The following BLTP1 variants were observed in gnomAD, a reference collection of about 807,000 sequenced individuals.
BLTP1 encodes the protein fragile site-associated protein.
chr4:122,172,559 G>A, the BLTP1 span, among the ~76,000 whole-genome samples: 23 of 152,110 alleles, frequency 1.5e-4, no homozygotes, highest in African/African-American at 3.4e-4. Flanking sequence ...ACTAAATTCC[G>A]ACTTCTTTTA....
the BLTP1 span, among the ~76,000 whole-genome samples, chr4:122,213,976 A>G: frequency 3.3e-5 from 5 of 152,296 alleles, no homozygotes; most frequent in South Asian, 2.1e-4. Context: ...GTGGTAGCAA[A>G]TAACTGCATG....
chr4:122,291,136 T>C, the BLTP1 span, among the ~76,000 whole-genome samples: 1 of 152,178 alleles, frequency 6.6e-6, no homozygotes, highest in African/African-American at 2.4e-5. Flanking sequence ...TTAATATTTC[T>C]AACCATGAAG....
chr4:122,210,493 T>C, the BLTP1 span, among the ~76,000 whole-genome samples: 1 of 152,162 alleles, frequency 6.6e-6, no homozygotes, highest in South Asian at 2.1e-4. Flanking sequence ...AGTTGTTTCA[T>C]AGTGGCTTGA....
At chr4:122,281,180 CAGT>C in the BLTP1 span, 92 of 365,624 alleles carry the variant, frequency 2.5e-4, no homozygotes, top group Non-Finnish European at 3.1e-4. Context: ...TCATTCTTAA[CAGT>C]AGTAGTAGTA....
At chr4:122,292,361 TAG>T in the BLTP1 span, 3 of 868,976 alleles carry the variant, frequency 3.5e-6, no homozygotes, top group African/African-American at 5.4e-5. Flanking sequence ...TAAGAAAAAT[TAG>T]ACAGATGTGA....
At chr4:122,357,741 A>C in the BLTP1 span, among the ~76,000 whole-genome samples, 2 of 152,212 alleles carry the variant, frequency 1.3e-5, no homozygotes, top group African/African-American at 4.8e-5. Context: ...ATGAATATAC[A>C]ATGGTAAAAT....
the BLTP1 span, among the ~76,000 whole-genome samples, chr4:122,177,505 CA>C: frequency 1.3e-5 from 2 of 152,190 alleles, no homozygotes; most frequent in African/African-American, 4.8e-5. Context: ...TCACTCAGAA[CA>C]ACACCAAGGT....
the BLTP1 span, chr4:122,239,968 G>A: frequency 6.2e-7 from 1 of 1,614,166 alleles, no homozygotes; most frequent in South Asian, 1.1e-5. Flanking sequence ...ATTGACTACA[G>A]TAGGGGTTCC....
the BLTP1 span, chr4:122,212,140 T>G: frequency 4.8e-6 from 4 of 825,778 alleles, no homozygotes; most frequent in African/African-American, 1.8e-5. Flanking sequence ...AAAGGCTCTC[T>G]GCAGGAAGTG....
the BLTP1 span, chr4:122,175,158 A>G: frequency 1.0e-6 from 1 of 984,656 alleles, no homozygotes. Flanking sequence ...AATTTTTGTG[A>G]TTTTCTTCAA....
chr4:122,338,817 G>C, the BLTP1 span, among the ~76,000 whole-genome samples: 8 of 152,054 alleles, frequency 5.3e-5, no homozygotes, highest in African/African-American at 1.9e-4. Context: ...GGTGTTCAAG[G>C]GTCAACTGTC....
At chr4:122,235,909 A>C in the BLTP1 span, among the ~76,000 whole-genome samples, 38,212 of 152,184 alleles carry the variant, frequency 0.25, 5,746 homozygotes, top group Middle Eastern at 0.49. Flanking sequence ...AGATTTACCT[A>C]GAGTCTTTTC....
At chr4:122,345,112 G>A in the BLTP1 span, 1 of 776,774 alleles carries the variant, frequency 1.3e-6, no homozygotes, top group Admixed American at 6.2e-5. Flanking sequence ...AATATGGTAT[G>A]TTCACTTAAC....
the BLTP1 span, among the ~76,000 whole-genome samples, chr4:122,339,619 A>G: frequency 6.6e-6 from 1 of 152,246 alleles, no homozygotes; most frequent in East Asian, 1.9e-4. Context: ...TTCTGTTTTT[A>G]GCTGAATGGC....
the BLTP1 span, chr4:122,154,466 C>T: frequency 1.0e-6 from 1 of 985,280 alleles, no homozygotes. Context: ...TGTGCTTAGC[C>T]TGTGCATTGG....
chr4:122,331,598 A>T, the BLTP1 span: 9 of 1,531,898 alleles, frequency 5.9e-6, no homozygotes, highest in Non-Finnish European at 7.9e-6. Flanking sequence ...AATACTATTC[A>T]TATATCACTG....
the BLTP1 span, among the ~76,000 whole-genome samples, chr4:122,303,022 C>T: frequency 5.3e-5 from 8 of 152,270 alleles, no homozygotes; most frequent in East Asian, 7.7e-4. Flanking sequence ...TTACGCTAAA[C>T]GACAGATTTT....
chr4:122,270,277 TTC>T, the BLTP1 span: 7 of 764,536 alleles, frequency 9.2e-6, no homozygotes, highest in Admixed American at 1.2e-4. Context: ...TCTGATTTTT[TTC>T]TTTTTGTTAC....
At chr4:122,222,900 T>C in the BLTP1 span, 1 of 701,294 alleles carries the variant, frequency 1.4e-6, no homozygotes, top group Non-Finnish European at 1.8e-6. Flanking sequence ...TGTAATAACA[T>C]TTAGAATATA....
Sources: allele counts gnomAD v4.1 joint callset (sites outside exome capture counted in the v4.1 genomes callset), GRCh38; gene constraint gnomAD v4.1.1; transcripts MANE v1.5; gene names NCBI Gene and HGNC (gene_info 2026-07-23, HGNC 2026-07-21).